CSF2RB: variants seen among roughly 807,000 people sequenced by gnomAD.
CSF2RB encodes the protein cytokine receptor common subunit beta.
Under a neutral mutation model 67.2 loss-of-function variants are expected in CSF2RB, and 22 were observed. The observed-to-expected ratio is 0.33, with a 90% CI of 0.23 to 0.47. CSF2RB has a LOEUF of 0.47. Ranked by LOEUF, CSF2RB falls within the 20% of genes least tolerant of loss-of-function variation. The probability of loss-of-function intolerance (pLI) is 1.00; values close to 1 mark genes in which losing one functional copy is unlikely to be tolerated. For synonymous variants in CSF2RB, 507 were observed against 482.9 expected (o/e 1.05, Z -0.65); for missense variants, 1,113 against 1,174.5 (o/e 0.95, Z 0.76).
Position 36,936,620 on chromosome 22 carries a change from G to A in CSF2RB, c.1536G>A (p.Gly512=), listed in dbSNP as rs1261029735. ...CTAGCGGGAGTCCCCCACACCAGGGGCCGTGGGGCAGCCGCTTCCCTGAGC... is the reference window on the plus strand; with the variant it reads ...CTAGCGGGAGTCCCCCACACCAGGGACCGTGGGGCAGCCGCTTCCCTGAGC... ...AFTSGSPPHQ[G]PWGSRFPELE... The change falls in exon 13 of 14, where the codon GGG becomes GGA. Residue 512 remains glycine, a synonymous_variant. Transcript: ENST00000403662. 10 of 1,613,668 alleles carry A rather than the reference G, an allele frequency of 6.2e-6. No homozygotes were observed. Among genetic ancestry groups the A allele is most frequent in the Non-Finnish European group, 8.5e-6 (10 of 1,179,974 alleles).
intron 2 of CSF2RB, among the ~76,000 whole-genome samples, 171 bp downstream of exon 2, chr22:36,922,454 C>T (rs986830845): frequency 6.6e-6 from 1 of 152,194 alleles, no homozygotes; most frequent in Non-Finnish European, 1.5e-5. Flanking sequence ...TCCTCCTGCA[C>T]ATTCCTGCTC....
In CSF2RB at chr22:36,937,762, G is replaced by T; in HGVS notation, c.1954G>T (p.Val652Leu). 1 of 1,574,574 alleles carries T rather than the reference G, an allele frequency of 6.4e-7. No homozygotes were observed. The highest frequency in any genetic ancestry group is 8.6e-7 in the Non-Finnish European group (1 of 1,159,864). ...LAQAMGPGQA[V>L]EVERRPSQGA... is the part of the protein sequence containing the mutation. ...CCAGGCGATGGGACCAGGACAGGCC[G>T]TGGAAGTGGAGAGAAGGCCGAGCCA... The change falls in exon 14 of 14, where the codon GTG becomes TTG. Residue 652 changes from valine (V) to leucine (L), a missense_variant. Transcript: ENST00000403662. The surrounding 1 kb of genome is among the most constrained non-coding windows in gnomAD (Gnocchi z 4.6).
chr22:36,914,409 C>G (rs957006440), intron 1 of CSF2RB, among the ~76,000 whole-genome samples: 1 of 152,014 alleles, frequency 6.6e-6, no homozygotes, highest in African/African-American at 2.4e-5. Context: ...CTCTCTCTCT[C>G]TCTCTCAGTC....
chr22:36,937,934 C>T lies in CSF2RB; in HGVS notation c.2126C>T (p.Ser709Phe). 1 of 1,614,130 alleles carries T rather than the reference C, an allele frequency of 6.2e-7. No homozygotes were observed. Among genetic ancestry groups the T allele is most frequent in the Non-Finnish European group, 8.5e-7 (1 of 1,180,004 alleles). Residue 709 changes from serine to phenylalanine, a missense_variant, in exon 14 of 14, where the codon TCT (serine) becomes TTT (phenylalanine). Coordinates refer to ENST00000403662, the MANE Select transcript of CSF2RB (RefSeq NM_000395.3). The surrounding 1 kb of genome is among the most constrained non-coding windows in gnomAD (Gnocchi z 4.6). ...GACACTGAGGACCCTGGAGTGGCCT[C>T]TGGTTATGTCTCCTCTGCAGACCTG... ...SGDTEDPGVA[S>F]GYVSSADLVF...
intron 3 of CSF2RB, chr22:36,923,748 G>A: frequency 7.7e-7 from 1 of 1,300,606 alleles, no homozygotes; most frequent in Non-Finnish European, 1.0e-6. Context: ...CTGCCTGCCT[G>A]TCCAGAGTAG....
Position 36,923,234 on chromosome 22 carries a change from C to A in CSF2RB, c.77-10C>A, listed in dbSNP as rs919723011. The A allele has an allele frequency of 4.3e-6, 7 of 1,614,168 alleles. No homozygotes were observed. The highest frequency in any genetic ancestry group is 4.5e-5 in the East Asian group (2 of 44,870). Reference sequence around the variant, plus strand: ...AAAGAGAGGTGACCCCCTTCTACCCCTCTTGTCAGAAACCATCCCGCTGCA... The same window carrying A: ...AAAGAGAGGTGACCCCCTTCTACCCATCTTGTCAGAAACCATCCCGCTGCA... On this transcript the variant is annotated splice_polypyrimidine_tract_variant and intron_variant, in intron 2 of 13. Coordinates refer to ENST00000403662, the MANE Select transcript of CSF2RB (RefSeq NM_000395.3).
intron 1 of CSF2RB, among the ~76,000 whole-genome samples, chr22:36,914,014 A>C (rs112910298): frequency 3.3e-5 from 5 of 152,078 alleles, no homozygotes; most frequent in Non-Finnish European, 7.4e-5. Flanking sequence ...GGAGTCAGGC[A>C]CCTATAGTCT....
At chr22:36,914,532 G>A (rs981671820) in intron 1 of CSF2RB, among the ~76,000 whole-genome samples, 2 of 152,050 alleles carry the variant, frequency 1.3e-5, no homozygotes, top group African/African-American at 4.8e-5. Context: ...ATGCTGGCTG[G>A]GTGGGTGGGT....
At position 36,940,255 on chromosome 22, in the gene CSF2RB, C is replaced by A. The variant is rs535076839; in HGVS notation, c.*1753C>A. 5.9e-5 allele frequency: 9 copies of A among 152,302 alleles called. No individual in the cohort carries two copies. The South Asian group carries it at 1.9e-3, about 32-fold the overall frequency. The allele number at this position is 152,302 out of a possible 1,614,324, so 9.4% of individuals were successfully genotyped here. On this transcript the variant is annotated 3_prime_UTR_variant, in exon 14 of 14. Transcript: ENST00000403662. The stretch of plus-strand genomic sequence containing the variant: ...GTTGGTGGTCAAAGAAAATGATAAA[C>A]AACTTGAATGTTCAATGGTCCTGAA...
intron 6 of CSF2RB, 66 bp from the exon 7 acceptor site, chr22:36,930,308 TG>T (rs1391576684): frequency 8.7e-6 from 14 of 1,606,284 alleles, no homozygotes; most frequent in Admixed American, 1.7e-5. Context: ...AATCACACGG[TG>T]GGCACCCACT....
chr22:36,929,973 A>G (rs1297146170), intron 6 of CSF2RB, among the ~76,000 whole-genome samples, 166 bp downstream of exon 6: 3 of 152,152 alleles, frequency 2.0e-5, no homozygotes, highest in Non-Finnish European at 4.4e-5. Context: ...GTGACCACTG[A>G]CCAGTAGGAC....
chr22:36,925,745 C>G (rs1941000376), intron 3 of CSF2RB, among the ~76,000 whole-genome samples: 2 of 152,206 alleles, frequency 1.3e-5, no homozygotes, highest in Admixed American at 1.3e-4. Flanking sequence ...TTCCTCCCTC[C>G]TCACCTGCTT....
In CSF2RB at chr22:36,929,462, C is replaced by A; in HGVS notation, c.452C>A (p.Thr151Asn). The change falls in exon 5 of 14, where the codon ACC becomes AAC. Residue 151 changes from threonine to asparagine, a missense_variant. Physicochemically the swap from Thr to Asn is moderately conservative, Grantham distance 65 (BLOSUM62 0). Around this residue, in one of 2 missense-constraint regions of CSF2RB, gnomAD observed 559 missense variants for 656.5 expected, o/e 0.85. Coordinates refer to ENST00000403662, the MANE Select transcript of CSF2RB (RefSeq NM_000395.3). ...ACCGACCAGGACCACTTCCTGCTGA[C>A]CTGGAGTGTGGCCCTTGGGAGTCCC... ...ISTDQDHFLL[T>N]WSVALGSPQS... 6.2e-7 allele frequency: 1 copy of A among 1,614,234 alleles called. No homozygotes were observed. The highest frequency in any genetic ancestry group is 8.5e-7 in the Non-Finnish European group (1 of 1,180,036).
In CSF2RB at chr22:36,929,799, C is replaced by G; in HGVS notation, c.710C>G (p.Ser237Cys). The change falls in exon 6 of 14, where the codon TCC becomes TGC. Residue 237 changes from serine to cysteine, a missense_variant. Ser to Cys is a moderately radical substitution (Grantham distance 112). Around this residue, in one of 2 missense-constraint regions of CSF2RB, gnomAD observed 559 missense variants for 656.5 expected, o/e 0.85. Coordinates refer to ENST00000403662, the MANE Select transcript of CSF2RB (RefSeq NM_000395.3). ...TGGAGCCCAGAGGTTTGCTGGGACT[C>G]CCAGCCAGGTAATGTTGCCAGAGCC... ...SKWSPEVCWD[S>C]QPGDEAQPQN... 1 of 1,613,596 alleles carries G rather than the reference C, an allele frequency of 6.2e-7. No homozygotes were observed. The highest frequency in any genetic ancestry group is 8.5e-7 in the Non-Finnish European group (1 of 1,179,862).
intron 4 of CSF2RB, among the ~76,000 whole-genome samples, chr22:36,928,920 A>G (rs1467118803): frequency 6.6e-6 from 1 of 152,164 alleles, no homozygotes; most frequent in African/African-American, 2.4e-5. Context: ...GAGAGAAGGA[A>G]TGAGGGATTC....
intron 4 of CSF2RB, among the ~76,000 whole-genome samples, chr22:36,928,310 C>T (rs112943086): frequency 7.9e-5 from 12 of 152,196 alleles, no homozygotes; most frequent in South Asian, 6.2e-4. Context: ...TCCCAGTCTG[C>T]GCAGTTTGTG....
chr22:36,922,334 A>G (rs1251570161), intron 2 of CSF2RB, 51 bp downstream of exon 2: 4 of 1,511,036 alleles, frequency 2.6e-6, no homozygotes. Flanking sequence ...TCACTGCTGC[A>G]CCCTGGGGGA....
At chr22:36,935,309 G>C (rs201184574) in intron 10 of CSF2RB, 42 bp from the exon 11 acceptor site, 2 of 1,598,896 alleles carry the variant, frequency 1.3e-6, no homozygotes, top group Non-Finnish European at 1.7e-6. Flanking sequence ...TCGATTTCCC[G>C]CCCAGATGCT....
At chr22:36,915,659 G>A (rs1940701796) in intron 1 of CSF2RB, among the ~76,000 whole-genome samples, 1 of 152,144 alleles carries the variant, frequency 6.6e-6, no homozygotes, top group South Asian at 2.1e-4. Flanking sequence ...ACTAAATGCA[G>A]AATTGCTGTG....
Sources: gnomAD v4.1 joint callset for allele counts (sites outside exome capture counted in the v4.1 genomes callset) on GRCh38, gnomAD v4.1.1 for gene constraint, gnomAD v4.1.1 regional missense constraint, Gnocchi (gnomAD v3.1) non-coding constraint, MANE v1.5 for transcripts, NCBI Gene and HGNC (gene_info 2026-07-23, HGNC 2026-07-21) for gene names.